The following SOCS7 variants were observed in gnomAD, a reference collection of about 807,000 sequenced individuals.
The protein encoded by SOCS7 is NAP-4.
SOCS7 carries 18 observed loss-of-function variants against 58.9 expected under a neutral mutation model. The observed-to-expected ratio is 0.31, with a 90% CI of 0.21 to 0.45. The LOEUF is 0.45. SOCS7 is among the 20% of genes least tolerant of loss of function. The pLI is 1.00. For synonymous variants in SOCS7, 388 were observed against 364.3 expected (o/e 1.06, Z -0.74); for missense variants, 667 against 837.3 (o/e 0.80, Z 2.51).
chr17:38,385,502 T>C (rs974686902), intron 7 of SOCS7, among the ~76,000 whole-genome samples: 1 of 151,804 alleles, frequency 6.6e-6, no homozygotes, highest in Non-Finnish European at 1.5e-5. Flanking sequence ...TTTAATATTA[T>C]TATAAGGTGA....
intron 7 of SOCS7, among the ~76,000 whole-genome samples, chr17:38,383,268 A>G (rs1355907497): frequency 2.0e-5 from 3 of 152,142 alleles, no homozygotes; most frequent in East Asian, 3.9e-4. Context: ...GAGGAATGCA[A>G]GAGTTAACTC....
intron 6 of SOCS7, among the ~76,000 whole-genome samples, chr17:38,372,542 G>A (rs1019595982): frequency 6.6e-6 from 1 of 152,200 alleles, no homozygotes; most frequent in Admixed American, 6.5e-5. Flanking sequence ...CCATGTGAGT[G>A]TTTATCTCTC....
chr17:38,364,716 C>T (rs752819918), intron 2 of SOCS7, 36 bp from the exon 3 acceptor site: 9 of 1,563,884 alleles, frequency 5.8e-6, no homozygotes, highest in Middle Eastern at 1.7e-4. Context: ...TTGGGCAAGG[C>T]GCTTCTGTAA....
chr17:38,365,610 T>C (rs56345414), intron 4 of SOCS7: 3 of 433,542 alleles, frequency 6.9e-6, no homozygotes, highest in Non-Finnish European at 1.2e-5. Context: ...TGGAGGTCAA[T>C]CTGATTTTTG....
intron 6 of SOCS7, among the ~76,000 whole-genome samples, chr17:38,372,435 C>A (rs937994010): frequency 1.3e-5 from 2 of 152,208 alleles, no homozygotes; most frequent in African/African-American, 4.8e-5. Context: ...GGGTGTACTA[C>A]CGTAATATTT....
chr17:38,366,345 A>G lies in SOCS7; in HGVS notation c.1311A>G (p.Pro437=), dbSNP rs767321219. The part of the protein sequence containing the change: ...RAAESLHSQP[P]QHLQCPLYRP... ...CTGAATCCCTGCACAGCCAACCCCC[A>G]CAGCACCTCCAGTGTCCCCTCTACC... The change falls in exon 5 of 10, where the codon CCA becomes CCG. Residue 437 remains proline (P), a synonymous_variant. Transcript: ENST00000612932. The G allele has an allele frequency of 6.2e-6, 10 of 1,614,046 alleles. No individual in the cohort carries two copies. The Admixed American group carries it at 1.2e-4, about 19-fold the overall frequency.
At chr17:38,366,863 C>T (rs2037796766) in intron 5 of SOCS7, among the ~76,000 whole-genome samples, 1 of 152,152 alleles carries the variant, frequency 6.6e-6, no homozygotes, top group African/African-American at 2.4e-5. Flanking sequence ...AAACAGTGTG[C>T]TCCTGCTATT....
rs1597776519 is a variant in SOCS7 at position 38,389,863 on chromosome 17, G to A, written c.1682-5446G>A. On this transcript the variant is annotated intron_variant, in intron 7 of 9. Transcript: ENST00000612932. ...TAATTTTTTTGTTTGGTGTGTATGT[G>A]TGTACATATATATATATATGTACAT... Among the ~76,000 whole-genome samples, 104 of 22,308 alleles carry A rather than the reference G, an allele frequency of 4.7e-3. 5 individuals carry two copies. The highest frequency in any genetic ancestry group is 0.016 in the African/African-American group (101 of 6,248). The allele number at this position is 22,308 out of a possible 152,430, so 14.6% of individuals were successfully genotyped here.
intron 7 of SOCS7, among the ~76,000 whole-genome samples, chr17:38,393,641 AAAAC>A (rs1056681934): frequency 5.3e-5 from 8 of 151,758 alleles, no homozygotes; most frequent in South Asian, 2.1e-4. Context: ...CTGTCTTAAA[AAAAC>A]AAACAAACAC....
At chr17:38,397,064 A>G (rs563804482) in intron 9 of SOCS7, among the ~76,000 whole-genome samples, 4 of 152,318 alleles carry the variant, frequency 2.6e-5, no homozygotes, top group South Asian at 2.1e-4. Context: ...GCAGTGCTGT[A>G]GAAGAACCCA....
chr17:38,393,236 AT>A (rs146821031), intron 7 of SOCS7, among the ~76,000 whole-genome samples: 18 of 150,688 alleles, frequency 1.2e-4, no homozygotes, highest in East Asian at 5.9e-4. Context: ...ATGTATTTTG[AT>A]TTTTTTTTTC....
chr17:38,381,946 C>CAAAAAA (rs55949628), intron 7 of SOCS7, among the ~76,000 whole-genome samples: 2 of 17,656 alleles, frequency 1.1e-4, no homozygotes, highest in Non-Finnish European at 2.3e-4. Context: ...GACTCTGTCT[C>CAAAAAA]AAAAAAAAAA....
chr17:38,395,215 TC>T, intron 7 of SOCS7, 93 bp from the exon 8 acceptor site: 4 of 1,322,080 alleles, frequency 3.0e-6, no homozygotes, highest in Non-Finnish European at 4.2e-6. Flanking sequence ...CATAAAGAAG[TC>T]CCATTTCCCC....
intron 8 of SOCS7, 34 bp from the exon 9 acceptor site, chr17:38,395,814 C>A (rs1259379417): frequency 1.2e-5 from 19 of 1,601,212 alleles, no homozygotes; most frequent in Non-Finnish European, 1.5e-5. Context: ...TGTATAAAAA[C>A]CTTTTGTGTA....
intron 1 of SOCS7, among the ~76,000 whole-genome samples, chr17:38,358,828 G>A (rs1029482845): frequency 6.6e-6 from 1 of 152,008 alleles, no homozygotes; most frequent in Non-Finnish European, 1.5e-5. Flanking sequence ...TGGCACTCTC[G>A]AACAGCTCTC....
intron 7 of SOCS7, among the ~76,000 whole-genome samples, chr17:38,386,284 A>G (rs1432607927): frequency 7.0e-6 from 1 of 142,288 alleles, no homozygotes; most frequent in Non-Finnish European, 1.5e-5. Flanking sequence ...AGATTGTGCC[A>G]CTGCACTTCA....
chr17:38,364,401 TA>T (rs1337045713), intron 2 of SOCS7, among the ~76,000 whole-genome samples: 4 of 152,202 alleles, frequency 2.6e-5, no homozygotes, highest in African/African-American at 9.7e-5. Context: ...CAGAAATTGA[TA>T]CACAATTCTG....
intron 7 of SOCS7, among the ~76,000 whole-genome samples, chr17:38,389,964 G>A (rs530828684): frequency 1.6e-5 from 2 of 122,526 alleles, no homozygotes; most frequent in East Asian, 2.5e-4. Flanking sequence ...CTCTGTCACC[G>A]AGGCTGGAGT....
chr17:38,390,571 G>C (rs187304933), intron 7 of SOCS7, among the ~76,000 whole-genome samples: 38 of 152,148 alleles, frequency 2.5e-4, no homozygotes, highest in African/African-American at 6.7e-4. Context: ...GACATAGGCT[G>C]TCTTTCTGCT....
Sources: gnomAD v4.1 joint callset for allele counts (sites outside exome capture counted in the v4.1 genomes callset) on GRCh38, gnomAD v4.1.1 for gene constraint, MANE v1.5 for transcripts, NCBI Gene and HGNC (gene_info 2026-07-23, HGNC 2026-07-21) for gene names.